The following CALN1 variants were observed in gnomAD, a reference collection of about 807,000 sequenced individuals.
The protein encoded by CALN1 is calneuron 1.
Under a neutral mutation model 30.6 loss-of-function variants are expected in CALN1, and 17 were observed. The observed-to-expected ratio is 0.56, with a 90% CI of 0.38 to 0.83. The LOEUF is 0.83. CALN1 is among the 40% of genes least tolerant of loss of function. The pLI, the probability that CALN1 is intolerant of heterozygous loss-of-function variation, is 0.00. For synonymous variants in CALN1, 156 were observed against 131.4 expected, an observed-to-expected ratio of 1.19 and a Z score of -1.28; for missense variants, 291 against 354.9, an observed-to-expected ratio of 0.82 and a Z score of 1.45.
chr7:72,382,753 A>G (rs1420575181), intron 2 of CALN1, among the ~76,000 whole-genome samples: 1 of 152,120 alleles, frequency 6.6e-6, no homozygotes, highest in Non-Finnish European at 1.5e-5. Context: ...ACCTAGCATG[A>G]TAGTCTCCCA....
intron 6 of CALN1, among the ~76,000 whole-genome samples, chr7:71,789,089 C>T (rs1201850977): frequency 6.6e-6 from 1 of 152,140 alleles, no homozygotes; most frequent in East Asian, 1.9e-4. Flanking sequence ...AGGCATGAGC[C>T]ACCATGCTTG....
intron 6 of CALN1, among the ~76,000 whole-genome samples, chr7:71,793,690 GGC>G: frequency 6.6e-6 from 1 of 152,096 alleles, no homozygotes; most frequent in African/African-American, 2.4e-5. Context: ...TGGCCAACAT[GGC>G]AAAACCCCAT....
chr7:72,190,184 C>T (rs1585126249), intron 3 of CALN1, among the ~76,000 whole-genome samples: 3 of 152,172 alleles, frequency 2.0e-5, no homozygotes, highest in Middle Eastern at 3.4e-3. Flanking sequence ...GGCAAAACCC[C>T]GTCTCTACTA....
At position 72,275,593 on chromosome 7, in the gene CALN1, C is replaced by G. The variant is rs550717392; in HGVS notation, c.244+3093G>C. On this transcript the variant is annotated intron_variant, in intron 3 of 6. Coordinates refer to ENST00000395275, the MANE Select transcript of CALN1 (RefSeq NM_031468.4). ...AATGGCCCTTCCCCAGGCTGAGAGC[C>G]TGGATTACCCTCCTGAAGGACAAAC... 3.6e-3 allele frequency among the ~76,000 whole-genome samples: 545 copies of G among 152,254 alleles called. 1 individual carries two copies. The highest frequency in any genetic ancestry group is 6.3e-3 in the Non-Finnish European group (431 of 68,014).
chr7:72,009,100 C>A (rs1310471359), intron 5 of CALN1, among the ~76,000 whole-genome samples: 1 of 151,964 alleles, frequency 6.6e-6, no homozygotes, highest in Non-Finnish European at 1.5e-5. Flanking sequence ...ATAATCACCT[C>A]AAAAAAATGA....
At chr7:71,969,063 A>AT (rs1797666936) in intron 5 of CALN1, among the ~76,000 whole-genome samples, 1 of 151,926 alleles carries the variant, frequency 6.6e-6, no homozygotes, top group South Asian at 2.1e-4. Context: ...GAAAAAAAAA[A>AT]TCATAGAACT....
chr7:72,088,568 G>A (rs1221402799), intron 4 of CALN1, among the ~76,000 whole-genome samples: 5 of 151,718 alleles, frequency 3.3e-5, no homozygotes, highest in African/African-American at 1.2e-4. Context: ...GCATGGTGAC[G>A]CGTGCCTGTA....
intron 2 of CALN1, among the ~76,000 whole-genome samples, chr7:72,328,958 A>C (rs1353142112): frequency 6.6e-6 from 1 of 152,258 alleles, no homozygotes; most frequent in African/African-American, 2.4e-5. Flanking sequence ...CGGCCTCCCA[A>C]AGTGCTGGGA....
At chr7:72,402,721 G>C (rs1490460009) in intron 2 of CALN1, among the ~76,000 whole-genome samples, 7 of 152,172 alleles carry the variant, frequency 4.6e-5, no homozygotes, top group African/African-American at 1.7e-4. Flanking sequence ...TCAATGACCA[G>C]AGACAGACAG....
rs1279705582 is a variant in CALN1, at chr7:72,181,108, C to A, written c.245-74814G>T. ...GCGAAACTGCATAACCCCCCCCCCCCCCAAAAAAAAAAAAAATTTTTGGTA... is the reference window on the plus strand; with the variant it reads ...GCGAAACTGCATAACCCCCCCCCCCACCAAAAAAAAAAAAAATTTTTGGTA... On this transcript the variant is annotated intron_variant, in intron 3 of 6. Coordinates refer to ENST00000395275, the MANE Select transcript of CALN1 (RefSeq NM_031468.4). Among the ~76,000 whole-genome samples the A allele has an allele frequency of 6.3e-4, 71 of 112,564 alleles. 7 individuals carry two copies. The East Asian group carries it at 0.018, about 29-fold the overall frequency. The allele number at this position is 112,564 out of a possible 152,430, so 73.8% of individuals were successfully genotyped here.
chr7:72,000,676 CACTT>C (rs964752549), intron 5 of CALN1, among the ~76,000 whole-genome samples: 2 of 152,088 alleles, frequency 1.3e-5, no homozygotes, highest in Admixed American at 6.6e-5. Context: ...GAAATAGAAA[CACTT>C]ACTAATTCAT....
chr7:72,368,095 T>C (rs1490680098), intron 2 of CALN1, among the ~76,000 whole-genome samples: 1 of 152,014 alleles, frequency 6.6e-6, no homozygotes, highest in African/African-American at 2.4e-5. Flanking sequence ...CACTCCAGCA[T>C]GGGCGACAAA....
chr7:72,019,445 G>A (rs894227025), intron 5 of CALN1, among the ~76,000 whole-genome samples: 1 of 152,206 alleles, frequency 6.6e-6, no homozygotes, highest in Admixed American at 6.5e-5. Flanking sequence ...GTAACCAAGA[G>A]AATATTGCAG....
intron 5 of CALN1, among the ~76,000 whole-genome samples, chr7:71,931,186 T>A (rs770247485): frequency 7.4e-4 from 113 of 152,234 alleles, no homozygotes; most frequent in Non-Finnish European, 2.6e-4. Flanking sequence ...TTAGAGGGGA[T>A]AACATTTTGC....
chr7:72,066,143 A>G (rs1464669614), intron 4 of CALN1, among the ~76,000 whole-genome samples: 1 of 152,128 alleles, frequency 6.6e-6, no homozygotes. Flanking sequence ...CAAATGCAGG[A>G]CCTTACAATT....
In CALN1 at chr7:71,874,826, G is replaced by A. The variant is rs542462214; in HGVS notation, c.502-64334C>T. 1.9e-4 allele frequency among the ~76,000 whole-genome samples: 29 copies of A among 151,974 alleles called. No homozygotes were observed. The East Asian group carries it at 3.9e-3, about 20-fold the overall frequency. On this transcript the variant is annotated intron_variant, in intron 5 of 6. Coordinates refer to ENST00000395275, the MANE Select transcript of CALN1 (RefSeq NM_031468.4). Reference sequence around the variant, plus strand: ...CTCAGGAGCCGAGTCCAGCAGGGCCGAGCACATAGTTGGAAGGGCTTTATG... The same window carrying A: ...CTCAGGAGCCGAGTCCAGCAGGGCCAAGCACATAGTTGGAAGGGCTTTATG...
At chr7:72,253,802 G>A (rs1255191541) in intron 3 of CALN1, among the ~76,000 whole-genome samples, 6 of 152,260 alleles carry the variant, frequency 3.9e-5, no homozygotes, top group East Asian at 3.9e-4. Context: ...GTGCAGTAGC[G>A]TGATCCCAGC....
At chr7:71,988,602 A>G (rs1027806989) in intron 5 of CALN1, among the ~76,000 whole-genome samples, 2 of 152,096 alleles carry the variant, frequency 1.3e-5, no homozygotes, top group Non-Finnish European at 2.9e-5. Context: ...CACTGACTAT[A>G]TTTTTAATTT....
intron 3 of CALN1, among the ~76,000 whole-genome samples, chr7:72,240,264 A>G (rs1794743645): frequency 6.6e-6 from 1 of 151,374 alleles, no homozygotes; most frequent in South Asian, 2.1e-4. Context: ...GAGTGATCAT[A>G]GCTCACTGCA....
Sources: gnomAD v4.1 joint callset for allele counts (sites outside exome capture counted in the v4.1 genomes callset) on GRCh38, gnomAD v4.1.1 for gene constraint, MANE v1.5 for transcripts, NCBI Gene and HGNC (gene_info 2026-07-23, HGNC 2026-07-21) for gene names.